Variants in UNC80 observed in about 807,000 individuals in gnomAD.
UNC80 encodes protein unc-80 homolog.
Under a neutral mutation model 384.6 loss-of-function variants are expected in UNC80, and 164 were observed. The observed-to-expected ratio is 0.43, with a 90% confidence interval of 0.38 to 0.49. UNC80 has a LOEUF of 0.49. Among genes scored for constraint, UNC80 ranks in the 20% least tolerant of loss-of-function variants. The pLI is 0.00. For missense variants in UNC80, 3,330 were observed against 4,143.0 expected, an observed-to-expected ratio of 0.80 and a Z score of 5.39; for synonymous variants, 1,486 against 1,527.8, an observed-to-expected ratio of 0.97 and a Z score of 0.64.
intron 61 of UNC80, among the ~76,000 whole-genome samples, chr2:209,988,368 A>G (rs770895048): frequency 2.0e-5 from 3 of 152,154 alleles, no homozygotes; most frequent in Admixed American, 6.6e-5. Flanking sequence ...TAGTGCTTCT[A>G]CTTAAATTTT....
At position 209,820,400 on chromosome 2, in the gene UNC80, T is replaced by G. The variant is rs748448272; in HGVS notation, c.2052T>G (p.Leu684=). ...CGCTAAACATTGTGGAATGCTTGCT[T>G]CAACTTGGTGTGGTGCCCTGTGTAG... is the stretch of plus-strand genomic sequence containing the variant. The part of the protein sequence containing the change: ...DVALNIVECL[L]QLGVVPCVEK... The change falls in exon 13 of 65, where the codon CTT becomes CTG. Residue 684 remains leucine (L), a synonymous_variant. Transcript: ENST00000673920. 15 of 1,551,826 alleles carry G rather than the reference T, an allele frequency of 9.7e-6. No homozygotes were observed. Among genetic ancestry groups the G allele is most frequent in the Non-Finnish European group, 1.3e-5 (15 of 1,147,028 alleles).
intron 29 of UNC80, among the ~76,000 whole-genome samples, chr2:209,905,988 A>G (rs1384103288): frequency 8.5e-5 from 13 of 152,146 alleles, no homozygotes; most frequent in Admixed American, 6.5e-4. Context: ...TTGCAAAGAG[A>G]TTTTTATATA....
At chr2:209,925,934 C>A (rs1034828575) in intron 35 of UNC80, among the ~76,000 whole-genome samples, 2 of 152,186 alleles carry the variant, frequency 1.3e-5, no homozygotes, top group Non-Finnish European at 2.9e-5. Flanking sequence ...CAAACACTCA[C>A]AATTCTTTAG....
chr2:209,921,553 C>G lies in UNC80; in HGVS notation c.5397C>G (p.Ile1799Met). The G allele has an allele frequency of 6.7e-7, 1 of 1,500,216 alleles. No homozygotes were observed. Among genetic ancestry groups the G allele is most frequent in the Non-Finnish European group, 9.0e-7 (1 of 1,114,720 alleles). 92.9% of individuals were successfully genotyped at this position (1,500,216 alleles called of 1,614,324 possible). The change falls in exon 34 of 65, where the codon ATC (isoleucine) becomes ATG (methionine). Residue 1799 changes from isoleucine (I) to methionine (M), a missense_variant. Physicochemically the swap from Ile to Met is conservative, Grantham distance 10. Around this residue, in one of 8 missense-constraint regions of UNC80, gnomAD observed 1,049 missense variants for 1,488.6 expected, o/e 0.70. Transcript: ENST00000673920. ...VSRSHQRAEH[I>M]LKNLQQEEEK... ...GCTCCCATCAAAGGGCAGAACACAT[C>G]TTAAAGAACTTGCAGCAGGAGGAAG...
chr2:209,956,051 C>T (rs1451925138), intron 48 of UNC80, among the ~76,000 whole-genome samples: 10 of 151,774 alleles, frequency 6.6e-5, no homozygotes, highest in Non-Finnish European at 1.3e-4. Context: ...GCCTATTTCT[C>T]CTCATATTAC....
At chr2:209,932,879 A>G (rs892864047) in intron 38 of UNC80, among the ~76,000 whole-genome samples, 5 of 152,178 alleles carry the variant, frequency 3.3e-5, no homozygotes, top group East Asian at 1.9e-4. Context: ...ATCTGGTCCT[A>G]TGTTTTATAA....
chr2:209,823,546 G>A (rs73986419), intron 13 of UNC80, among the ~76,000 whole-genome samples: 92 of 152,234 alleles, frequency 6.0e-4, no homozygotes, highest in African/African-American at 2.1e-3. Context: ...CTACCATTCA[G>A]AGGGTTCATC....
chr2:209,879,971 C>T (rs983576886), intron 24 of UNC80, among the ~76,000 whole-genome samples: 1 of 152,138 alleles, frequency 6.6e-6, no homozygotes, highest in Non-Finnish European at 1.5e-5. Flanking sequence ...AAGCCTAACA[C>T]CCAGGAAACA....
chr2:209,883,769 T>C (rs756323736), intron 25 of UNC80, among the ~76,000 whole-genome samples: 1 of 152,196 alleles, frequency 6.6e-6, no homozygotes, highest in Non-Finnish European at 1.5e-5. Flanking sequence ...CTATTTTACG[T>C]ACTTACTCAT....
intron 7 of UNC80, among the ~76,000 whole-genome samples, chr2:209,798,959 C>T (rs2078355228): frequency 6.6e-6 from 1 of 150,634 alleles, no homozygotes; most frequent in Non-Finnish European, 1.5e-5. Flanking sequence ...GCTGGGATTA[C>T]AGGCGCGATC....
intron 6 of UNC80, among the ~76,000 whole-genome samples, chr2:209,793,138 C>A (rs2077930880): frequency 6.6e-6 from 1 of 152,290 alleles, no homozygotes; most frequent in Non-Finnish European, 1.5e-5. Context: ...TCTCACATCA[C>A]CTGGGCAGAA....
At chr2:209,931,364 A>C (rs1375907052) in intron 38 of UNC80, among the ~76,000 whole-genome samples, 2 of 125,474 alleles carry the variant, frequency 1.6e-5, no homozygotes, top group Non-Finnish European at 3.4e-5. Flanking sequence ...TCTATGTTTA[A>C]ACACACACAC....
chr2:209,858,694 CAA>C (rs34333434), intron 22 of UNC80, among the ~76,000 whole-genome samples: 11 of 125,982 alleles, frequency 8.7e-5, no homozygotes, highest in South Asian at 2.3e-4. Flanking sequence ...ACCCTGTTTC[CAA>C]AAAAAAAAAA....
chr2:209,934,152 A>G, intron 39 of UNC80, 147 bp downstream of exon 39: 1 of 783,218 alleles, frequency 1.3e-6, no homozygotes, highest in Non-Finnish European at 1.9e-6. Flanking sequence ...TTTGTTTAAT[A>G]TAATCAGAGG....
intron 6 of UNC80, among the ~76,000 whole-genome samples, chr2:209,791,050 A>C (rs753970149): frequency 6.6e-5 from 10 of 152,130 alleles, no homozygotes; most frequent in Non-Finnish European, 1.3e-4. Context: ...TTTCCTGCTA[A>C]GTCATATTGT....
Position 209,936,869 on chromosome 2 carries a change from C to A in UNC80, c.6299C>A (p.Pro2100Gln). 6.4e-7 allele frequency: 1 copy of A among 1,550,562 alleles called. No homozygotes were observed. The highest frequency in any genetic ancestry group is 1.2e-5 in the South Asian group (1 of 84,030). Residue 2100 changes from proline to glutamine, a missense_variant, in exon 41 of 65, where the codon CCA becomes CAA. Transcript: ENST00000673920. ...LKECLEFFNI[P>Q]ESQSTHYFLM... Reference sequence around the variant, plus strand: ...GAGTGTCTGGAGTTTTTTAATATCCCAGAATCCCAGTCAACACATTATTTT... The same window carrying A: ...GAGTGTCTGGAGTTTTTTAATATCCAAGAATCCCAGTCAACACATTATTTT...
At chr2:209,920,323 G>A (rs1012965511) in intron 33 of UNC80, among the ~76,000 whole-genome samples, 5 of 152,196 alleles carry the variant, frequency 3.3e-5, no homozygotes, top group African/African-American at 1.2e-4. Context: ...AACCCTGTGT[G>A]ACTATAAGCC....
rs764927727 is a variant in UNC80 at position 209,945,148 on chromosome 2, T to G, written c.7148T>G (p.Ile2383Ser). Residue 2383 changes from isoleucine (I) to serine (S), a missense_variant, in exon 46 of 65, where the codon ATC (isoleucine) becomes AGC (serine). Ile to Ser is a moderately radical substitution (Grantham distance 142). Coordinates refer to ENST00000673920, the MANE Select transcript of UNC80 (RefSeq NM_001371986.1). ...LEGETTDILD[I>S]LELVKAEKPL... ...GGAGAGACCACCGACATATTAGACA[T>G]CTTAGAGCTGGTCAAAGCTGAGAAG... The G allele has an allele frequency of 6.4e-7, 1 of 1,551,520 alleles. No homozygotes were observed. Among genetic ancestry groups the G allele is most frequent in the Admixed American group, 2.0e-5 (1 of 50,994 alleles).
At chr2:209,877,470 A>G (rs1363019248) in intron 23 of UNC80, among the ~76,000 whole-genome samples, 1 of 152,160 alleles carries the variant, frequency 6.6e-6, no homozygotes, top group Non-Finnish European at 1.5e-5. Flanking sequence ...TACATATATA[A>G]TGACAGATAG....
Sources: allele counts gnomAD v4.1 joint callset (sites outside exome capture counted in the v4.1 genomes callset), GRCh38; gene constraint gnomAD v4.1.1; regional missense constraint gnomAD v4.1.1; transcripts MANE v1.5; gene names NCBI Gene and HGNC (gene_info 2026-07-23, HGNC 2026-07-21).